Variants in PAQR5 observed in about 807,000 individuals in gnomAD.
PAQR5 encodes the protein membrane progestin receptor gamma.
PAQR5 carries 20 observed loss-of-function variants against 34.5 expected under a neutral mutation model. That is an observed-to-expected ratio of 0.58 (90% confidence interval 0.41 to 0.84). The LOEUF (loss-of-function observed/expected upper bound fraction) is 0.84. Among genes scored for constraint, PAQR5 ranks in the 40% least tolerant of loss-of-function variants. PAQR5 has a pLI of 0.00. For synonymous variants in PAQR5, 131 were observed against 155.6 expected, an observed-to-expected ratio of 0.84 and a Z score of 1.18; for missense variants, 378 against 412.7, an observed-to-expected ratio of 0.92 and a Z score of 0.73.
intron 1 of PAQR5, among the ~76,000 whole-genome samples, chr15:69,328,238 G>A (rs1036682193): frequency 1.3e-5 from 2 of 152,192 alleles, no homozygotes; most frequent in Non-Finnish European, 2.9e-5. Context: ...TGCCAGCCAC[G>A]CTCTATGCAA....
intron 2 of PAQR5, among the ~76,000 whole-genome samples, chr15:69,355,284 TTTCTTTTCTTTC>T (rs2055026952): frequency 1.3e-5 from 2 of 150,564 alleles, no homozygotes; most frequent in South Asian, 2.1e-4. Flanking sequence ...TCTCTCTTTC[TTTCTTTTCTTTC>T]TTTCTTTCTT....
At chr15:69,328,857 T>C (rs761328957) in intron 1 of PAQR5, among the ~76,000 whole-genome samples, 1 of 152,218 alleles carries the variant, frequency 6.6e-6, no homozygotes. Flanking sequence ...CAGTGCAGCC[T>C]GCAGAGCCGC....
At position 69,348,687 on chromosome 15, in the gene PAQR5, G is replaced by A. The variant is rs118042587; in HGVS notation, c.-116+11186G>A. 2.6e-5 allele frequency among the ~76,000 whole-genome samples: 4 copies of A among 151,458 alleles called. No individual in the cohort carries two copies. The East Asian group carries it at 5.8e-4, about 22-fold the overall frequency. ...TAGTACTAGACTCCAGAGATGGTAG[G>A]TTTTTCCGATCTGATACTCAAGATG... On this transcript the variant is annotated intron_variant, in intron 2 of 8. Coordinates refer to ENST00000395407, the MANE Select transcript of PAQR5 (RefSeq NM_017705.4).
intron 1 of PAQR5, among the ~76,000 whole-genome samples, chr15:69,313,740 A>G (rs2053880107): frequency 6.6e-6 from 1 of 152,030 alleles, no homozygotes; most frequent in Admixed American, 6.6e-5. Context: ...CAGGGTGGCC[A>G]GTGGATGGCG....
At chr15:69,371,687 T>C (rs1504619) in intron 3 of PAQR5, among the ~76,000 whole-genome samples, 144,187 of 152,184 alleles carry the variant, frequency 0.95, 68,803 homozygotes, top group South Asian at 1. Context: ...TTTATCTGAT[T>C]GGAAAGTCAC....
chr15:69,397,695 A>T, intron 7 of PAQR5, 131 bp downstream of exon 7: 1 of 701,012 alleles, frequency 1.4e-6, no homozygotes, highest in Non-Finnish European at 2.6e-6. Context: ...ACCCAGGTGA[A>T]GGGGGCCAGC....
intron 2 of PAQR5, among the ~76,000 whole-genome samples, chr15:69,346,473 T>G (rs1020575068): frequency 6.6e-6 from 1 of 151,952 alleles, no homozygotes; most frequent in East Asian, 1.9e-4. Flanking sequence ...GCCCAGTTAA[T>G]ATTTTTTGTA....
intron 6 of PAQR5, among the ~76,000 whole-genome samples, chr15:69,390,376 G>A (rs762897790): frequency 7.5e-6 from 1 of 133,510 alleles, no homozygotes; most frequent in Non-Finnish European, 1.6e-5. Context: ...TTGAGACAGG[G>A]TCTCTCTCTG....
chr15:69,321,523 A>C (rs2054096445), intron 1 of PAQR5, among the ~76,000 whole-genome samples: 1 of 152,240 alleles, frequency 6.6e-6, no homozygotes, highest in South Asian at 2.1e-4. Context: ...GTACCTTAAG[A>C]ATTGATAATT....
At chr15:69,381,696 G>T (rs2055887857) in intron 4 of PAQR5, among the ~76,000 whole-genome samples, 1 of 152,200 alleles carries the variant, frequency 6.6e-6, no homozygotes, top group Non-Finnish European at 1.5e-5. Flanking sequence ...GAAGGACTTG[G>T]GGAGGTCTGG....
intron 5 of PAQR5, 120 bp from the exon 6 acceptor site, chr15:69,389,534 C>T (rs1016615095): frequency 5.0e-5 from 65 of 1,287,682 alleles, no homozygotes; most frequent in Admixed American, 2.8e-4. Flanking sequence ...CCAGCGAGGG[C>T]GCAGAGCCAG....
chr15:69,326,436 CTTTT>C (rs34210567), intron 1 of PAQR5, among the ~76,000 whole-genome samples: 14 of 131,708 alleles, frequency 1.1e-4, no homozygotes, highest in Admixed American at 1.5e-4. Flanking sequence ...AGCTCTTTGT[CTTTT>C]TTTTTTTTTT....
chr15:69,390,352 A>ATTTT (rs1270003563), intron 6 of PAQR5, among the ~76,000 whole-genome samples: 17,242 of 127,164 alleles, frequency 0.14, 1,940 homozygotes, highest in Non-Finnish European at 0.18. Flanking sequence ...TTATTTATTT[A>ATTTT]TTTATTTATT....
chr15:69,356,352 A>G (rs1384313140), intron 2 of PAQR5, among the ~76,000 whole-genome samples: 1 of 152,214 alleles, frequency 6.6e-6, no homozygotes, highest in East Asian at 1.9e-4. Flanking sequence ...GCTCATTTAC[A>G]TCAGTACTGT....
chr15:69,384,001 T>C (rs1197988865), intron 4 of PAQR5, among the ~76,000 whole-genome samples: 6 of 94,802 alleles, frequency 6.3e-5, no homozygotes, highest in South Asian at 5.3e-4. Flanking sequence ...GCGGGCCCTC[T>C]GTATTCATGG....
At chr15:69,320,628 T>C (rs1425340323) in intron 1 of PAQR5, among the ~76,000 whole-genome samples, 1 of 152,212 alleles carries the variant, frequency 6.6e-6, no homozygotes, top group Non-Finnish European at 1.5e-5. Context: ...AATATAAAAA[T>C]GCTTTAGAAT....
intron 1 of PAQR5, among the ~76,000 whole-genome samples, chr15:69,301,489 G>A (rs1385134493): frequency 1.3e-5 from 2 of 152,128 alleles, no homozygotes; most frequent in Non-Finnish European, 2.9e-5. Context: ...GGAATTATTT[G>A]GAAACTTTAA....
At chr15:69,343,113 G>A (rs899646768) in intron 2 of PAQR5, among the ~76,000 whole-genome samples, 8 of 152,238 alleles carry the variant, frequency 5.3e-5, no homozygotes, top group African/African-American at 1.9e-4. Flanking sequence ...TGGCTTCTCA[G>A]AAGCTTCCCA....
At chr15:69,345,136 A>AAAGAAAGAAAGAAGAAAGGG (rs1472538366) in intron 2 of PAQR5, among the ~76,000 whole-genome samples, 6 of 151,806 alleles carry the variant, frequency 4.0e-5, no homozygotes, top group Non-Finnish European at 8.8e-5. Context: ...AGAAGAAAGG[A>AAAGAAAGAAAGAAGAAAGGG]AAGAAAGAAA....
Sources: gnomAD v4.1 joint callset for allele counts (sites outside exome capture counted in the v4.1 genomes callset) on GRCh38, gnomAD v4.1.1 for gene constraint, MANE v1.5 for transcripts, NCBI Gene and HGNC (gene_info 2026-07-23, HGNC 2026-07-21) for gene names.